SLX4: variants seen among roughly 807,000 people sequenced by gnomAD.
The protein encoded by SLX4 is structure-specific endonuclease subunit SLX4.
A neutral mutation model predicts 146.2 loss-of-function variants in SLX4; 112 were observed. The observed-to-expected ratio is 0.77, with a 90% confidence interval of 0.66 to 0.90. SLX4 has a LOEUF of 0.90. Ranked by LOEUF, SLX4 falls within the 40% of genes least tolerant of loss-of-function variation. The pLI is 0.00. For synonymous variants in SLX4, 1,061 were observed against 997.7 expected (o/e 1.06, Z -1.20); for missense variants, 2,563 against 2,392.7 (o/e 1.07, Z -1.49).
rs1321710018 is a variant in SLX4 at position 3,591,219 on chromosome 16, T to C, written c.2419A>G (p.Asn807Asp). The C allele has an allele frequency of 1.2e-6, 2 of 1,613,922 alleles. No homozygotes were observed. The highest frequency in any genetic ancestry group is 1.7e-6 in the Non-Finnish European group (2 of 1,180,024). Reference protein sequence around the residue: ...GKPWEEKEAENCESRAENFQE... With the variant: ...GKPWEEKEAEDCESRAENFQE... ...AAATTCTCGGCCCTGCTTTCGCAAT[T>C]CTCTGCTTCCTTCTCCTCCCATGGT... Residue 807 changes from asparagine to aspartate, a missense_variant, in exon 12 of 15, where the codon AAT (asparagine) becomes GAT (aspartate). Transcript: ENST00000294008.
chr16:3,610,368 C>T (rs1324977636), intron 1 of SLX4, among the ~76,000 whole-genome samples: 2 of 152,188 alleles, frequency 1.3e-5, no homozygotes, highest in African/African-American at 4.8e-5. Flanking sequence ...TCCCTATCAT[C>T]GCCCACTGTT....
chr16:3,596,922 A>C (rs1377920089), intron 7 of SLX4, among the ~76,000 whole-genome samples: 1 of 151,190 alleles, frequency 6.6e-6, no homozygotes, highest in East Asian at 2.0e-4. Flanking sequence ...TCCCCGGTTC[A>C]AGCGATTCTT....
At chr16:3,604,896 G>C (rs1380938967) in intron 3 of SLX4, among the ~76,000 whole-genome samples, 1 of 150,348 alleles carries the variant, frequency 6.7e-6, no homozygotes, top group South Asian at 2.1e-4. Context: ...TCTAGATTGA[G>C]GTATAGGGGA....
rs771460580 is a variant in SLX4 at position 3,601,045 on chromosome 16, A to T, written c.1097T>A (p.Leu366His). ...CAVKMEVGPQ[L>H]LLQAVRLQTA... ...CTGCAGCCGCACAGCCTGAAGCAGGAGCTGGGGGCCAACCTCCATCTTCAC... is the reference window on the plus strand; with the variant it reads ...CTGCAGCCGCACAGCCTGAAGCAGGTGCTGGGGGCCAACCTCCATCTTCAC... Residue 366 changes from leucine (L) to histidine (H), a missense_variant, in exon 5 of 15, where the codon CTC becomes CAC. By Grantham distance (99) the Leu-to-His change is moderately conservative. Coordinates refer to ENST00000294008, the MANE Select transcript of SLX4 (RefSeq NM_032444.4). 2 of 1,613,846 alleles carry T rather than the reference A, an allele frequency of 1.2e-6. No individual in the cohort carries two copies. Among genetic ancestry groups the T allele is most frequent in the East Asian group, 4.5e-5 (2 of 44,872 alleles).
Position 3,608,551 on chromosome 16 carries a change from A to C in SLX4, c.414T>G (p.Asn138Lys). 1.2e-6 allele frequency: 2 copies of C among 1,614,062 alleles called. No individual in the cohort carries two copies. Among genetic ancestry groups the C allele is most frequent in the Non-Finnish European group, 1.7e-6 (2 of 1,180,004 alleles). The part of the protein sequence containing the change: ...WQASEPAHSV[N>K]GEGGVLASAP... Reference sequence around the variant, plus strand: ...CAGAGGCAAGCACACCCCCCTCCCCATTCACAGAGTGGGCCGGTTCACTTG... The same window carrying C: ...CAGAGGCAAGCACACCCCCCTCCCCCTTCACAGAGTGGGCCGGTTCACTTG... Residue 138 changes from asparagine to lysine, a missense_variant, in exon 2 of 15, where the codon AAT becomes AAG. Physicochemically the swap from Asn to Lys is moderately conservative, Grantham distance 94. Coordinates refer to ENST00000294008, the MANE Select transcript of SLX4 (RefSeq NM_032444.4).
intron 1 of SLX4, among the ~76,000 whole-genome samples, chr16:3,611,233 G>A (rs1455948260): frequency 6.6e-6 from 1 of 152,240 alleles, no homozygotes; most frequent in African/African-American, 2.4e-5. Flanking sequence ...GGGCTGAGGG[G>A]TTCCCCGTCT....
At position 3,590,323 on chromosome 16, in the gene SLX4, G is replaced by A. The variant is rs183029626; in HGVS notation, c.3315C>T (p.Ser1105=). ...CCCCCTTATTTCTGCACTCCAGCACGGACCGACGCTCTTTGCCTTTCTGGT... is the reference window on the plus strand; with the variant it reads ...CCCCCTTATTTCTGCACTCCAGCACAGACCGACGCTCTTTGCCTTTCTGGT... The part of the protein sequence containing the change: ...PGHQKGKERR[S]VLECRNKGVL... Residue 1105 remains serine (S), a synonymous_variant, in exon 12 of 15, where the codon TCC becomes TCT. Coordinates refer to ENST00000294008, the MANE Select transcript of SLX4 (RefSeq NM_032444.4). This position sits in a 1 kb window ranked among gnomAD's most constrained non-coding sequence, Gnocchi z 4.8. 2.1e-4 allele frequency: 334 copies of A among 1,613,998 alleles called. 1 individual carries two copies. The East Asian group carries it at 4.8e-3, about 23-fold the overall frequency.
chr16:3,608,039 G>C (rs574140055), intron 2 of SLX4, among the ~76,000 whole-genome samples: 1 of 152,304 alleles, frequency 6.6e-6, no homozygotes, highest in South Asian at 2.1e-4. Context: ...CCAGGAGTCA[G>C]CCGGGCGCAG....
intron 7 of SLX4, 134 bp from the exon 8 acceptor site, chr16:3,596,527 T>G: frequency 9.2e-7 from 1 of 1,084,100 alleles, no homozygotes; most frequent in Non-Finnish European, 1.3e-6. Context: ...GGACAGACTG[T>G]CCCCGGGGCT....
chr16:3,610,150 C>T (rs1567179030), intron 1 of SLX4, among the ~76,000 whole-genome samples: 1 of 152,316 alleles, frequency 6.6e-6, no homozygotes, highest in Admixed American at 6.5e-5. Context: ...AAAATCAAAA[C>T]TGAATGACCC....
intron 13 of SLX4, 110 bp from the exon 14 acceptor site, chr16:3,583,620 G>A: frequency 8.2e-7 from 1 of 1,213,414 alleles, no homozygotes; most frequent in African/African-American, 1.5e-5. Context: ...AATGGCTTGT[G>A]TGACAAACCA....
intron 3 of SLX4, among the ~76,000 whole-genome samples, chr16:3,605,159 G>A (rs899689053): frequency 2.6e-5 from 4 of 151,064 alleles, no homozygotes; most frequent in Admixed American, 1.3e-4. Flanking sequence ...GTGCAATCTC[G>A]GCTCACTGCA....
At chr16:3,609,639 AG>A (rs2040826483) in intron 1 of SLX4, 73 bp from the exon 2 acceptor site, 1 of 152,798 alleles carries the variant, frequency 6.5e-6, no homozygotes, top group Non-Finnish European at 1.5e-5. Flanking sequence ...GGGAGGGACA[AG>A]GGCATGTGGG....
At chr16:3,585,289 A>T (rs2040494629) in intron 12 of SLX4, among the ~76,000 whole-genome samples, 1 of 152,214 alleles carries the variant, frequency 6.6e-6, no homozygotes, top group Non-Finnish European at 1.5e-5. Flanking sequence ...AAACCCAGTT[A>T]AAAAATGGGC....
At chr16:3,584,447 T>C (rs1391417632) in intron 13 of SLX4, among the ~76,000 whole-genome samples, 12 of 152,062 alleles carry the variant, frequency 7.9e-5, no homozygotes, top group Non-Finnish European at 1.5e-5. Context: ...ACCTCCTCAC[T>C]CAGACTGCTC....
chr16:3,604,924 ATT>A (rs544664658), intron 3 of SLX4, among the ~76,000 whole-genome samples: 88 of 133,784 alleles, frequency 6.6e-4, no homozygotes, highest in African/African-American at 1.3e-3. Context: ...ATTCATTGTA[ATT>A]TTTTTTTTTT....
At position 3,590,975 on chromosome 16, in the gene SLX4, C is replaced by G; in HGVS notation, c.2663G>C (p.Gly888Ala). 6.2e-7 allele frequency: 1 copy of G among 1,614,196 alleles called. No individual in the cohort carries two copies. The highest frequency in any genetic ancestry group is 2.2e-5 in the East Asian group (1 of 44,872). The change falls in exon 12 of 15, where the codon GGG becomes GCG. Residue 888 changes from glycine to alanine, a missense_variant. Coordinates refer to ENST00000294008, the MANE Select transcript of SLX4 (RefSeq NM_032444.4). This position sits in a 1 kb window ranked among gnomAD's most constrained non-coding sequence, Gnocchi z 4.8. The stretch of plus-strand genomic sequence containing the variant: ...CACCTGGACACCTGCTAGGAGTTGC[C>G]CAGAAACCGGACTGCCACCCTCCAG... ...DWLEGGSPVS[G>A]QLLAGVQVQK...
intron 8 of SLX4, 118 bp downstream of exon 8, chr16:3,596,035 C>A (rs2040649181): frequency 7.1e-7 from 1 of 1,418,346 alleles, no homozygotes; most frequent in Admixed American, 2.7e-5. Flanking sequence ...GCGTGTTCTC[C>A]CACCAGGTCA....
chr16:3,594,320 T>C (rs1347216030), intron 10 of SLX4, 133 bp downstream of exon 10: 7 of 1,262,430 alleles, frequency 5.5e-6, no homozygotes, highest in South Asian at 3.9e-5. Flanking sequence ...GGTGAGAACA[T>C]GGTGGGGCAG....
Sources: gnomAD v4.1 joint callset for allele counts (sites outside exome capture counted in the v4.1 genomes callset) on GRCh38, gnomAD v4.1.1 for gene constraint, Gnocchi (gnomAD v3.1) non-coding constraint, MANE v1.5 for transcripts, NCBI Gene and HGNC (gene_info 2026-07-23, HGNC 2026-07-21) for gene names.